CDH23: variants seen among roughly 807,000 people sequenced by gnomAD.
The protein encoded by CDH23 is cadherin-23.
A neutral mutation model predicts 317.1 loss-of-function variants in CDH23; 189 were observed. The ratio of observed to expected loss-of-function variants is 0.60; its 90% CI spans 0.53 to 0.67. The LOEUF (loss-of-function observed/expected upper bound fraction) is 0.67, where lower values mean the gene tolerates loss of function less well. CDH23 is among the 30% of genes least tolerant of loss of function. The probability of loss-of-function intolerance (pLI) is 0.00; values close to 1 mark genes in which losing one functional copy is unlikely to be tolerated. For missense variants in CDH23, 4,401 were observed against 4,592.4 expected (o/e 0.96, Z 1.20); for synonymous variants, 1,839 against 1,876.8 (o/e 0.98, Z 0.52).
intron 3 of CDH23, among the ~76,000 whole-genome samples, chr10:71,497,537 G>A (rs575203301): frequency 6.6e-6 from 1 of 152,300 alleles, no homozygotes; most frequent in Admixed American, 6.5e-5. Flanking sequence ...CATGGACCCT[G>A]GCTGCTGGCT....
intron 11 of CDH23, among the ~76,000 whole-genome samples, chr10:71,633,532 C>A (rs948977175): frequency 6.6e-6 from 1 of 152,154 alleles, no homozygotes; most frequent in Non-Finnish European, 1.5e-5. Flanking sequence ...GGGATGGTCA[C>A]CCCTCTACCC....
chr10:71,562,340 G>A (rs1241510345), intron 6 of CDH23, among the ~76,000 whole-genome samples: 1 of 152,192 alleles, frequency 6.6e-6, no homozygotes, highest in Non-Finnish European at 1.5e-5. Context: ...ACCTGGATTT[G>A]CACGTTAATA....
chr10:71,501,931 T>C (rs537057711), intron 3 of CDH23, among the ~76,000 whole-genome samples: 1 of 152,268 alleles, frequency 6.6e-6, no homozygotes, highest in Admixed American at 6.5e-5. Context: ...GTAGTTATTC[T>C]CAGAAAACCC....
In CDH23 at chr10:71,644,007, G is replaced by A. The variant is rs191264419; in HGVS notation, c.1140+141G>A. The A allele has an allele frequency of 7.1e-5, 46 of 651,370 alleles. 1 individual carries two copies. Among genetic ancestry groups the A allele is most frequent in the South Asian group, 4.8e-4 (28 of 57,950 alleles). The allele number at this position is 651,370 out of a possible 1,614,324, so 40.3% of individuals were successfully genotyped here. ...AGCTCCTGTGGTTGAGGGACCAAAG[G>A]TTCAGGGGAAGGAGAGGAGTTGGTG... On this transcript the variant is annotated intron_variant, in intron 12 of 69. Coordinates refer to ENST00000224721, the MANE Select transcript of CDH23 (RefSeq NM_022124.6).
At chr10:71,442,687 C>G (rs1849950160) in intron 2 of CDH23, among the ~76,000 whole-genome samples, 3 of 152,120 alleles carry the variant, frequency 2.0e-5, no homozygotes, top group Admixed American at 1.3e-4. Flanking sequence ...AGGCCTGCCC[C>G]ACCCCATCCT....
intron 7 of CDH23, among the ~76,000 whole-genome samples, chr10:71,569,329 G>A (rs1857622773): frequency 6.6e-6 from 1 of 152,222 alleles, no homozygotes. Context: ...CTGCAGGCCA[G>A]GAGGAGGCAC....
At chr10:71,795,306 G>A (rs1189610812) in intron 48 of CDH23, among the ~76,000 whole-genome samples, 1 of 152,074 alleles carries the variant, frequency 6.6e-6, no homozygotes, top group Non-Finnish European at 1.5e-5. Flanking sequence ...TGCATTTGAG[G>A]CCCAAAGGGA....
chr10:71,643,628 T>TCACTGTCCAG (rs1285725923), intron 11 of CDH23, among the ~76,000 whole-genome samples: 2 of 152,100 alleles, frequency 1.3e-5, no homozygotes, highest in Non-Finnish European at 2.9e-5. Flanking sequence ...TCCCTCTTCT[T>TCACTGTCCAG]CACTGTCCAG....
At chr10:71,812,988 A>G (rs1242789091) in intron 68 of CDH23, 98 bp downstream of exon 68, 17 of 1,540,404 alleles carry the variant, frequency 1.1e-5, no homozygotes, top group Non-Finnish European at 1.2e-5. Flanking sequence ...GCTCAGCTAG[A>G]CCCACCCTCC....
chr10:71,760,594 G>A, intron 38 of CDH23: 1 of 409,688 alleles, frequency 2.4e-6, no homozygotes, highest in East Asian at 4.2e-5. Flanking sequence ...TACCTGTCAT[G>A]AGGCACTTGC....
At chr10:71,662,410 A>G (rs976341603) in intron 14 of CDH23, among the ~76,000 whole-genome samples, 1 of 152,086 alleles carries the variant, frequency 6.6e-6, no homozygotes, top group Non-Finnish European at 1.5e-5. Context: ...CCTTCCCACT[A>G]GACTGGGGGC....
intron 3 of CDH23, among the ~76,000 whole-genome samples, chr10:71,498,730 G>A (rs1312748866): frequency 6.6e-6 from 1 of 152,202 alleles, no homozygotes; most frequent in African/African-American, 2.4e-5. Context: ...TGGGTTGTAG[G>A]GGAATAGAGC....
chr10:71,469,885 G>A (rs558654343), intron 3 of CDH23, among the ~76,000 whole-genome samples: 1 of 152,294 alleles, frequency 6.6e-6, no homozygotes, highest in African/African-American at 2.4e-5. Flanking sequence ...GATTACAGGT[G>A]TGAGCCACCA....
intron 14 of CDH23, chr10:71,646,880 G>A (rs1862918688): frequency 5.6e-6 from 8 of 1,434,044 alleles, no homozygotes; most frequent in South Asian, 4.8e-5. Flanking sequence ...GCCTTTCCCC[G>A]AGAGAGACTC....
intron 1 of CDH23, among the ~76,000 whole-genome samples, chr10:71,411,195 C>G (rs1319262653): frequency 6.6e-6 from 1 of 152,162 alleles, no homozygotes; most frequent in Admixed American, 6.5e-5. Context: ...ATTGAGACTG[C>G]ATCAAAAATA....
chr10:71,622,843 A>T (rs1378272094), intron 11 of CDH23: 15 of 680,070 alleles, frequency 2.2e-5, no homozygotes, highest in Non-Finnish European at 2.5e-5. Context: ...TTGGGACACC[A>T]CTCTCTTCCC....
At chr10:71,574,119 A>G (rs1858000943) in intron 8 of CDH23, among the ~76,000 whole-genome samples, 1 of 150,170 alleles carries the variant, frequency 6.7e-6, no homozygotes, top group Non-Finnish European at 1.5e-5. Context: ...CAGCACCCCC[A>G]TTCCCAGCCT....
Position 71,707,245 on chromosome 10 carries a change from A to G in CDH23, c.3106+196A>G. On this transcript the variant is annotated intron_variant, in intron 26 of 69. Transcript: ENST00000224721. Reference sequence around the variant, plus strand: ...TTCCCAAGGGCTTTGCAGCTGGATCACTCTGGACTGGCTCCCTGGGGACCT... The same window carrying G: ...TTCCCAAGGGCTTTGCAGCTGGATCGCTCTGGACTGGCTCCCTGGGGACCT... The G allele has an allele frequency of 3.4e-6, 5 of 1,460,320 alleles. No individual in the cohort carries two copies. The East Asian group carries it at 9.9e-5, about 29-fold the overall frequency. The allele number at this position is 1,460,320 out of a possible 1,614,324, so 90.5% of individuals were successfully genotyped here.
At chr10:71,645,603 A>G in intron 12 of CDH23, 2 of 729,818 alleles carry the variant, frequency 2.7e-6, no homozygotes, top group Non-Finnish European at 5.0e-6. Flanking sequence ...CCGACAGCAC[A>G]AGGAAGGAAA....
Sources: gnomAD v4.1 joint callset for allele counts (sites outside exome capture counted in the v4.1 genomes callset) on GRCh38, gnomAD v4.1.1 for gene constraint, MANE v1.5 for transcripts, NCBI Gene and HGNC (gene_info 2026-07-23, HGNC 2026-07-21) for gene names.